OVCH1: variants seen among roughly 807,000 people sequenced by gnomAD.
The protein encoded by OVCH1 is ovochymase 1, also known as ovochymase-1.
A neutral mutation model predicts 138.4 loss-of-function variants in OVCH1; 139 were observed. The observed-to-expected ratio is 1.00, with a 90% CI of 0.87 to 1.16. The LOEUF is 1.16. Among genes scored for constraint, OVCH1 ranks in the 50% most tolerant of loss-of-function variants. The probability of loss-of-function intolerance (pLI) is 0.00; values close to 1 mark genes in which losing one functional copy is unlikely to be tolerated. For synonymous variants in OVCH1, 453 were observed against 467.8 expected (o/e 0.97, Z 0.41); for missense variants, 1,367 against 1,357.9 (o/e 1.01, Z -0.11).
chr12:29,451,411 A>T, exon 22 of OVCH1: 4 of 1,613,188 alleles, frequency 2.5e-6, no homozygotes, highest in Non-Finnish European at 2.5e-6. Context: ...CACACAGGAG[A>T]CCCCAGGAGT....
chr12:29,474,074 T>TATACACAC (rs1555150616), intron 14 of OVCH1, among the ~76,000 whole-genome samples: 1 of 145,192 alleles, frequency 6.9e-6, no homozygotes, highest in Non-Finnish European at 1.5e-5. Flanking sequence ...CACACACACA[T>TATACACAC]ACACACACAC....
chr12:29,491,140 T>G (rs1943261871), exon 5 of OVCH1: 9 of 1,613,708 alleles, frequency 5.6e-6, no homozygotes, highest in Non-Finnish European at 7.6e-6. Flanking sequence ...AAAGAATTCC[T>G]GGTTCAACTT....
At chr12:29,478,154 T>A (rs1942806986) in intron 9 of OVCH1, among the ~76,000 whole-genome samples, 1 of 152,128 alleles carries the variant, frequency 6.6e-6, no homozygotes, top group South Asian at 2.1e-4. Flanking sequence ...TCAACAAAAT[T>A]AGATATATTG....
intron 14 of OVCH1, among the ~76,000 whole-genome samples, chr12:29,474,545 A>ATC: frequency 6.6e-6 from 1 of 152,294 alleles, no homozygotes; most frequent in East Asian, 1.9e-4. Flanking sequence ...GTTCAACATG[A>ATC]TCTCACTCCT....
At chr12:29,475,278 A>G (rs1485046634) in intron 13 of OVCH1, 89 bp from the exon 14 acceptor site, 2 of 1,105,568 alleles carry the variant, frequency 1.8e-6, no homozygotes, top group African/African-American at 3.3e-5. Flanking sequence ...TTTCTAATCA[A>G]CTACTTTAGT....
intron 13 of OVCH1, 52 bp from the exon 14 acceptor site, chr12:29,475,241 G>GGGCCGGGCGCGGTGGCT: frequency 7.6e-7 from 1 of 1,320,550 alleles, no homozygotes. Flanking sequence ...TAAAAAATCA[G>GGGCCGGGCGCGGTGGCT]AACACACAGT....
Position 29,445,161 on chromosome 12 carries a change from C to A in OVCH1, c.2881+117G>T, listed in dbSNP as rs1337351242. ...TAGATTTTCCTTTCAAACATATACTCATTTCCCCACAGAAACATAATTTCT... is the reference window on the plus strand; with the variant it reads ...TAGATTTTCCTTTCAAACATATACTAATTTCCCCACAGAAACATAATTTCT... On this transcript the variant is annotated intron_variant, in intron 23 of 27. Coordinates refer to ENST00000318184, the Ensembl canonical transcript of OVCH1. 13 of 1,217,392 alleles carry A rather than the reference C, an allele frequency of 1.1e-5. No individual in the cohort carries two copies. The East Asian group carries it at 3.2e-4, about 30-fold the overall frequency. 75.4% of individuals were successfully genotyped at this position (1,217,392 alleles called of 1,614,324 possible).
intron 15 of OVCH1, among the ~76,000 whole-genome samples, chr12:29,472,599 C>G (rs1942551196): frequency 1.3e-5 from 2 of 152,140 alleles, no homozygotes; most frequent in African/African-American, 4.8e-5. Flanking sequence ...TCCAGTCCAT[C>G]AACTTGAACA....
At chr12:29,473,139 G>T in intron 14 of OVCH1, 36 bp from the exon 15 acceptor site, 1 of 1,478,440 alleles carries the variant, frequency 6.8e-7, no homozygotes, top group African/African-American at 1.4e-5. Flanking sequence ...AAAGTAATTA[G>T]AGAAGTTGCA....
At chr12:29,449,660 TATTGGTGTATAGAAATGCTTTTGAAAA>T (rs1307972968) in intron 22 of OVCH1, among the ~76,000 whole-genome samples, 2 of 152,088 alleles carry the variant, frequency 1.3e-5, no homozygotes, top group African/African-American at 2.4e-5. Context: ...TTGGCTGTTA[TATTGGTGTATAGAAATGCTTTTGAAAA>T]ATAAGCCTGT....
intron 22 of OVCH1, among the ~76,000 whole-genome samples, chr12:29,450,106 G>T (rs1448352833): frequency 1.3e-5 from 2 of 152,074 alleles, no homozygotes; most frequent in East Asian, 3.9e-4. Flanking sequence ...CATAGGCATG[G>T]GCAAAGACTT....
At chr12:29,487,626 A>G (rs1943148297) in intron 7 of OVCH1, 67 bp downstream of exon 7, 1 of 1,399,620 alleles carries the variant, frequency 7.1e-7, no homozygotes, top group South Asian at 1.4e-5. Context: ...AGTTCTGATA[A>G]TATCGCAACA....
chr12:29,479,291 A>G (rs1942847535), intron 8 of OVCH1, among the ~76,000 whole-genome samples: 1 of 152,218 alleles, frequency 6.6e-6, no homozygotes, highest in Non-Finnish European at 1.5e-5. Flanking sequence ...AATTCATACT[A>G]TTCACCCAGA....
chr12:29,434,535 A>G (rs1941324164), intron 26 of OVCH1, among the ~76,000 whole-genome samples: 1 of 152,198 alleles, frequency 6.6e-6, no homozygotes, highest in South Asian at 2.1e-4. Context: ...TACATATGGA[A>G]CAAAAGAAGC....
chr12:29,464,725 A>T lies in OVCH1; in HGVS notation c.1930-23T>A, dbSNP rs73069520. The T allele has an allele frequency of 2.6e-3, 4,075 of 1,588,986 alleles. 29 individuals are homozygous for T. The highest frequency in any genetic ancestry group is 0.014 in the Middle Eastern group (84 of 5,898). On this transcript the variant is annotated intron_variant, in intron 17 of 27. Coordinates refer to ENST00000318184, the Ensembl canonical transcript of OVCH1. ...CACCTGTATCGGTGGCAAGTAAGCA[A>T]ATTACAACGTAAGAAAGTCAAAGAA...
rs538369624 is a variant in OVCH1 at position 29,462,991 on chromosome 12, C to T, written c.2126-983G>A. ...AAGAATGAATTCGTCTTTTATAAGA[C>T]TACCTCTCAGTTGCCTGGTAGTCAT... On this transcript the variant is annotated intron_variant, in intron 18 of 27. Coordinates refer to ENST00000318184, the Ensembl canonical transcript of OVCH1. Among the ~76,000 whole-genome samples, 4 of 152,324 alleles carry T rather than the reference C, an allele frequency of 2.6e-5. No individual in the cohort carries two copies. In the South Asian group the frequency reaches 6.2e-4, roughly 24 times the overall value.
At chr12:29,412,185 C>A (rs1445708187), downstream of OVCH1, among the ~76,000 whole-genome samples, 1 of 152,108 alleles carries the variant, frequency 6.6e-6, no homozygotes, top group African/African-American at 2.4e-5. Context: ...GCAGGAGTGA[C>A]CCGATTTTCC....
intron 27 of OVCH1, among the ~76,000 whole-genome samples, chr12:29,432,396 G>A (rs1428634323): frequency 6.6e-6 from 1 of 152,220 alleles, no homozygotes; most frequent in Non-Finnish European, 1.5e-5. Context: ...TATACTTGAT[G>A]TGGAATGTGA....
intron 3 of OVCH1, among the ~76,000 whole-genome samples, chr12:29,416,706 G>A (rs1941035211): frequency 6.6e-6 from 1 of 152,162 alleles, no homozygotes; most frequent in South Asian, 2.1e-4. Flanking sequence ...ATTGCTGGTG[G>A]GAATATAAAA....
Sources: allele counts gnomAD v4.1 joint callset (sites outside exome capture counted in the v4.1 genomes callset), GRCh38; gene constraint gnomAD v4.1.1; transcripts MANE v1.5; gene names NCBI Gene and HGNC (gene_info 2026-07-23, HGNC 2026-07-21).